The following WBP1L variants were observed in gnomAD, a reference collection of about 807,000 sequenced individuals.
WBP1L encodes WW domain binding protein 1-like.
WBP1L carries 17 observed loss-of-function variants against 33.7 expected under a neutral mutation model. The observed-to-expected ratio is 0.50, with a 90% CI of 0.34 to 0.76. WBP1L has a LOEUF of 0.76. WBP1L is among the 30% of genes least tolerant of loss of function. The pLI is 0.01. For missense variants in WBP1L, 389 were observed against 469.4 expected (o/e 0.83, Z 1.58); for synonymous variants, 173 against 190.8 (o/e 0.91, Z 0.77).
At chr10:102,775,748 A>G (rs1263449925) in intron 1 of WBP1L, among the ~76,000 whole-genome samples, 4 of 152,078 alleles carry the variant, frequency 2.6e-5, no homozygotes, top group Non-Finnish European at 5.9e-5. Context: ...TTCATGTCCT[A>G]TTATTTACTG....
chr10:102,792,395 CAT>C (rs915323546), intron 1 of WBP1L, among the ~76,000 whole-genome samples: 1 of 152,140 alleles, frequency 6.6e-6, no homozygotes, highest in Non-Finnish European at 1.5e-5. Context: ...CAAATGAAAA[CAT>C]TGCCAGGAAG....
intron 1 of WBP1L, among the ~76,000 whole-genome samples, chr10:102,775,654 C>G (rs983937295): frequency 1.2e-4 from 18 of 152,116 alleles, no homozygotes; most frequent in Admixed American, 5.9e-4. Context: ...GGTAGCGTGT[C>G]GTACCTTAGC....
intron 1 of WBP1L, among the ~76,000 whole-genome samples, chr10:102,793,204 G>A (rs1449402889): frequency 6.6e-6 from 1 of 152,206 alleles, no homozygotes; most frequent in Admixed American, 6.5e-5. Context: ...ACTTTGGGAG[G>A]CCAAGATGGG....
chr10:102,805,570 A>G (rs970997623), intron 2 of WBP1L, among the ~76,000 whole-genome samples: 1 of 152,058 alleles, frequency 6.6e-6, no homozygotes, highest in Non-Finnish European at 1.5e-5. Flanking sequence ...GCAGATGCTG[A>G]TTACCTAACG....
At chr10:102,749,965 A>T (rs1055620667) in intron 1 of WBP1L, among the ~76,000 whole-genome samples, 1 of 151,146 alleles carries the variant, frequency 6.6e-6, no homozygotes, top group Non-Finnish European at 1.5e-5. Context: ...TTTTTTTTGT[A>T]GATACGGGGT....
chr10:102,785,807 T>C (rs927249053), intron 1 of WBP1L, among the ~76,000 whole-genome samples: 16 of 152,234 alleles, frequency 1.1e-4, no homozygotes, highest in Non-Finnish European at 1.2e-4. Flanking sequence ...ACTTACTCTG[T>C]AGCAGAAGAG....
At chr10:102,770,141 G>T (rs1843168165) in intron 1 of WBP1L, among the ~76,000 whole-genome samples, 1 of 152,146 alleles carries the variant, frequency 6.6e-6, no homozygotes. Flanking sequence ...ATTACTTCAG[G>T]ATTCTTTTGT....
At chr10:102,799,350 G>A (rs1201636990) in intron 2 of WBP1L, among the ~76,000 whole-genome samples, 1 of 151,988 alleles carries the variant, frequency 6.6e-6, no homozygotes, top group African/African-American at 2.4e-5. Context: ...AAAATGCCAT[G>A]TGGAAACCAT....
rs1429143632 is a variant in WBP1L, at chr10:102,815,206, A to T, written c.*1875A>T. ...TGTGTACTCGGGTGTACTCCGCAGC[A>T]TTGTCGACTGCAGTCCCCTGTGTTT... On this transcript the variant is annotated 3_prime_UTR_variant, in exon 4 of 4. Transcript: ENST00000448841. 6.6e-6 allele frequency: 1 copy of T among 152,620 alleles called. No individual in the cohort carries two copies. The highest frequency in any genetic ancestry group is 2.4e-5 in the African/African-American group (1 of 41,426). 9.5% of individuals were successfully genotyped at this position (152,620 alleles called of 1,614,324 possible). A position where few individuals can be genotyped will look rare whatever the true frequency, so the allele number is the denominator to read the frequency against.
chr10:102,779,852 G>A (rs773850448), intron 1 of WBP1L, among the ~76,000 whole-genome samples: 2 of 152,254 alleles, frequency 1.3e-5, no homozygotes, highest in African/African-American at 4.8e-5. Flanking sequence ...CTGAGAAGCC[G>A]ATATCTGATC....
intron 2 of WBP1L, among the ~76,000 whole-genome samples, chr10:102,803,603 T>C (rs1843688464): frequency 1.2e-5 from 1 of 82,936 alleles, no homozygotes; most frequent in South Asian, 3.9e-4. Context: ...TTTGTTGGGT[T>C]TTCCTTTTTT....
In WBP1L at chr10:102,814,400, C is replaced by T. The variant is rs1432898496; in HGVS notation, c.*1069C>T. The T allele has an allele frequency of 6.6e-6, 1 of 152,588 alleles. No homozygotes were observed. Among genetic ancestry groups the T allele is most frequent in the Non-Finnish European group, 1.5e-5 (1 of 68,050 alleles). 9.5% of individuals were successfully genotyped at this position (152,588 alleles called of 1,614,324 possible). On this transcript the variant is annotated 3_prime_UTR_variant, in exon 4 of 4. Transcript: ENST00000448841. Reference sequence around the variant, plus strand: ...TCCGTATGAGGAAACAGACAGCGGACTGAGGAAGCGATGGCCCCAGAGAAA... The same window carrying T: ...TCCGTATGAGGAAACAGACAGCGGATTGAGGAAGCGATGGCCCCAGAGAAA...
chr10:102,768,122 A>G (rs1055028767), intron 1 of WBP1L, among the ~76,000 whole-genome samples: 2 of 152,040 alleles, frequency 1.3e-5, no homozygotes, highest in African/African-American at 4.8e-5. Flanking sequence ...CCAGGCTGAC[A>G]TGCATTGGCA....
At chr10:102,792,657 C>T (rs557199680) in intron 1 of WBP1L, among the ~76,000 whole-genome samples, 5 of 142,704 alleles carry the variant, frequency 3.5e-5, no homozygotes, top group South Asian at 2.2e-4. Flanking sequence ...TGCAATGGTG[C>T]GATCTCAGCT....
chr10:102,760,518 G>A (rs7071049), intron 1 of WBP1L, among the ~76,000 whole-genome samples: 21 of 150,780 alleles, frequency 1.4e-4, no homozygotes, highest in African/African-American at 4.9e-4. Context: ...CTGGGATTAC[G>A]GGCATGCACC....
At chr10:102,776,092 T>A in intron 1 of WBP1L, 1 of 985,330 alleles carries the variant, frequency 1.0e-6, no homozygotes, top group Non-Finnish European at 1.2e-6. Flanking sequence ...AAGTTTTTTC[T>A]GCTGCGCCTG....
chr10:102,750,339 G>A (rs1356127291), intron 1 of WBP1L, among the ~76,000 whole-genome samples: 2 of 151,328 alleles, frequency 1.3e-5, no homozygotes, highest in Non-Finnish European at 2.9e-5. Flanking sequence ...AGGCTGCAGC[G>A]AGCCTAGATC....
intron 1 of WBP1L, among the ~76,000 whole-genome samples, chr10:102,793,397 G>A (rs1005052066): frequency 1.3e-5 from 2 of 152,216 alleles, no homozygotes; most frequent in South Asian, 4.1e-4. Context: ...GTGAGCTACA[G>A]TCGTGCCACT....
intron 2 of WBP1L, among the ~76,000 whole-genome samples, chr10:102,800,609 A>G (rs1843642780): frequency 6.6e-6 from 1 of 152,222 alleles, no homozygotes; most frequent in East Asian, 1.9e-4. Context: ...ATGAGCTGGC[A>G]TGTGTTTTCC....
Sources: allele counts gnomAD v4.1 joint callset (sites outside exome capture counted in the v4.1 genomes callset), GRCh38; gene constraint gnomAD v4.1.1; transcripts MANE v1.5; gene names NCBI Gene and HGNC (gene_info 2026-07-23, HGNC 2026-07-21).